SCN1A: variants seen among roughly 807,000 people sequenced by gnomAD.
SCN1A encodes the protein sodium channel protein type 1 subunit alpha.
In SCN1A, 13 loss-of-function variants were observed where a neutral mutation model predicts 193.7. The ratio of observed to expected loss-of-function variants is 0.07; its 90% confidence interval spans 0.04 to 0.11. The LOEUF (loss-of-function observed/expected upper bound fraction) is 0.11, where lower values mean the gene tolerates loss of function less well. SCN1A is among the 10% of genes least tolerant of loss of function. SCN1A has a pLI of 1.00. For synonymous variants in SCN1A, 781 were observed against 843.6 expected (o/e 0.93, Z 1.29); for missense variants, 1,432 against 2,451.1 (o/e 0.58, Z 8.78).
intron 4 of SCN1A, among the ~76,000 whole-genome samples, chr2:166,070,152 G>A (rs371008947): frequency 6.6e-6 from 1 of 152,142 alleles, no homozygotes; most frequent in South Asian, 2.1e-4. Context: ...AGAAAAAAGT[G>A]TACAGGCAAC....
intron 2 of SCN1A, among the ~76,000 whole-genome samples, chr2:166,103,823 A>G (rs533626824): frequency 6.6e-6 from 1 of 152,342 alleles, no homozygotes; most frequent in Admixed American, 6.5e-5. Flanking sequence ...AGACTTTACC[A>G]TACAACGTGA....
At chr2:166,141,861 T>G (rs1692102230) in intron 1 of SCN1A, among the ~76,000 whole-genome samples, 1 of 152,216 alleles carries the variant, frequency 6.6e-6, no homozygotes, top group Non-Finnish European at 1.5e-5. Flanking sequence ...GGTATGTGCC[T>G]TTTAACCCAG....
At chr2:166,009,873 A>G in intron 22 of SCN1A, 32 bp from the exon 23 acceptor site, 1 of 1,598,138 alleles carries the variant, frequency 6.3e-7, no homozygotes, top group Non-Finnish European at 8.6e-7. Flanking sequence ...CAATTAATAA[A>G]CAGAATCATC....
At chr2:166,049,046 G>T in intron 9 of SCN1A, 97 bp from the exon 10 acceptor site, 1 of 768,124 alleles carries the variant, frequency 1.3e-6, no homozygotes, top group Non-Finnish European at 2.3e-6. Flanking sequence ...AGTTTATTGA[G>T]TAATTTTAAA....
intron 24 of SCN1A, among the ~76,000 whole-genome samples, chr2:166,002,101 A>G (rs1024725575): frequency 2.0e-5 from 3 of 151,678 alleles, no homozygotes; most frequent in Non-Finnish European, 3.0e-5. Context: ...AAGATGATCT[A>G]TCTGTTAAGT....
intron 23 of SCN1A, chr2:166,002,967 G>A: frequency 1.4e-5 from 5 of 354,028 alleles, no homozygotes; most frequent in Admixed American, 4.5e-5. Context: ...ATATAACCAA[G>A]AAATGAAACA....
rs1574273975 is a variant in SCN1A, at chr2:166,053,143, A to G, written c.603-200T>C. 3 of 1,043,570 alleles carry G rather than the reference A, an allele frequency of 2.9e-6. No homozygotes were observed. The Middle Eastern group carries it at 6.7e-4, about 233-fold the overall frequency. The allele number at this position is 1,043,570 out of a possible 1,614,324, so 64.6% of individuals were successfully genotyped here. On this transcript the variant is annotated intron_variant, in intron 7 of 28. Transcript: ENST00000674923. ...TTCTGTTACAAACCTGTAGAATTAA[A>G]TCAGAATTATTCAAGATTTTAGCAG...
At chr2:166,048,472 C>A (rs996195728) in intron 10 of SCN1A, among the ~76,000 whole-genome samples, 14 of 152,006 alleles carry the variant, frequency 9.2e-5, no homozygotes, top group African/African-American at 3.4e-4. Context: ...TCTGTTCCTG[C>A]AATAGTTTGC....
At chr2:166,050,911 A>G (rs182292284) in intron 9 of SCN1A, among the ~76,000 whole-genome samples, 333 of 151,918 alleles carry the variant, frequency 2.2e-3, no homozygotes, top group African/African-American at 7.7e-3. Flanking sequence ...TAATAAAATA[A>G]TCTATTAAAC....
intron 19 of SCN1A, among the ~76,000 whole-genome samples, chr2:166,031,894 A>G (rs1329821437): frequency 1.3e-5 from 2 of 152,170 alleles, no homozygotes; most frequent in African/African-American, 4.8e-5. Context: ...ATGAAATTAT[A>G]TAACCCAGTA....
chr2:166,000,758 T>A (rs1208729049), intron 24 of SCN1A, among the ~76,000 whole-genome samples: 1 of 151,650 alleles, frequency 6.6e-6, no homozygotes, highest in East Asian at 1.9e-4. Flanking sequence ...TGTCAGTGGC[T>A]TAGGTCAATG....
chr2:166,079,955 AT>A (rs1685336534), intron 2 of SCN1A, among the ~76,000 whole-genome samples: 1 of 151,596 alleles, frequency 6.6e-6, no homozygotes, highest in African/African-American at 2.4e-5. Context: ...TATATTAATT[AT>A]AAGAATAAAA....
chr2:166,054,223 C>T (rs1574278693), intron 7 of SCN1A, among the ~76,000 whole-genome samples: 1 of 152,046 alleles, frequency 6.6e-6, no homozygotes, highest in East Asian at 1.9e-4. Flanking sequence ...ATAAAAGAAG[C>T]TGTGTGTAAT....
In SCN1A at chr2:166,128,014, C is replaced by A. The variant is rs1691448578; in HGVS notation, c.-472G>T. ...CTCTCGGCTTCATCCTCGCCTCACT[C>A]TATGGTACCTAATACAAATCAGCAA... On this transcript the variant is annotated 5_prime_UTR_variant, in exon 1 of 29. Coordinates refer to ENST00000674923, the MANE Select transcript of SCN1A (RefSeq NM_001165963.4). The A allele has an allele frequency of 7.3e-6, 1 of 136,548 alleles. No homozygotes were observed. The highest frequency in any genetic ancestry group is 1.5e-5 in the Non-Finnish European group (1 of 65,188). 8.5% of individuals were successfully genotyped at this position (136,548 alleles called of 1,614,324 possible).
intron 2 of SCN1A, among the ~76,000 whole-genome samples, chr2:166,107,477 A>C (rs1308646638): frequency 6.6e-6 from 1 of 152,212 alleles, no homozygotes; most frequent in African/African-American, 2.4e-5. Flanking sequence ...AAAAAATCAA[A>C]AGTTAAAATA....
chr2:166,085,045 T>C (rs1685958295), intron 2 of SCN1A, among the ~76,000 whole-genome samples: 1 of 152,176 alleles, frequency 6.6e-6, no homozygotes, highest in African/African-American at 2.4e-5. Context: ...TCCAGCCCAC[T>C]GCCACTGGAC....
chr2:166,034,886 G>A (rs1045223878), intron 19 of SCN1A, among the ~76,000 whole-genome samples: 2 of 152,130 alleles, frequency 1.3e-5, no homozygotes, highest in Non-Finnish European at 2.9e-5. Flanking sequence ...CAAGGAGGTG[G>A]CTGTCTGCAA....
chr2:166,046,804 A>G lies in SCN1A; in HGVS notation c.1343T>C (p.Ile448Thr), dbSNP rs755962326. Residue 448 changes from isoleucine (I) to threonine (T), a missense_variant, in exon 12 of 29, where the codon ATT becomes ACT. This residue lies in a region of SCN1A where 58 missense variants were observed against 103.4 expected (regional missense o/e 0.56). Transcript: ENST00000674923. ...CTCCTGTTGCTTTTTAAGCTGTTCA[A>G]TCATCTGCTGAAATTCGGCCTCTTT... ...EQKEAEFQQM[I>T]EQLKKQQEAA... 36 of 1,613,754 alleles carry G rather than the reference A, an allele frequency of 2.2e-5. No homozygotes were observed. The highest frequency in any genetic ancestry group is 2.1e-4 in the South Asian group (19 of 91,072).
chr2:166,135,571 G>A (rs937926962), intron 1 of SCN1A, among the ~76,000 whole-genome samples: 5 of 151,966 alleles, frequency 3.3e-5, no homozygotes, highest in African/African-American at 4.8e-5. Context: ...TCCAATCTTC[G>A]GATATCAATT....
Sources: gnomAD v4.1 joint callset for allele counts (sites outside exome capture counted in the v4.1 genomes callset) on GRCh38, gnomAD v4.1.1 for gene constraint, gnomAD v4.1.1 regional missense constraint, MANE v1.5 for transcripts, NCBI Gene and HGNC (gene_info 2026-07-23, HGNC 2026-07-21) for gene names.